Variants in PALM2AKAP2 observed in about 807,000 individuals in gnomAD.
PALM2AKAP2 encodes the protein PALM2-AKAP2 fusion protein.
PALM2AKAP2 carries 37 observed loss-of-function variants against 71.5 expected under a neutral mutation model. The observed-to-expected ratio is 0.52, with a 90% confidence interval of 0.40 to 0.68. PALM2AKAP2 has a LOEUF of 0.68. Ranked by LOEUF, PALM2AKAP2 falls within the 30% of genes least tolerant of loss-of-function variation. PALM2AKAP2 has a pLI of 0.00. For missense variants in PALM2AKAP2, 1,224 were observed against 1,191.8 expected (o/e 1.03, Z -0.40); for synonymous variants, 468 against 478.8 (o/e 0.98, Z 0.29).
chr9:109,900,808 A>G (rs747267519), intron 3 of PALM2AKAP2, among the ~76,000 whole-genome samples: 2 of 152,216 alleles, frequency 1.3e-5, no homozygotes, highest in African/African-American at 2.4e-5. Context: ...ATCTCCTTCC[A>G]AGAAATATTT....
At chr9:109,710,482 T>C (rs752622062) in intron 1 of PALM2AKAP2, among the ~76,000 whole-genome samples, 10 of 152,216 alleles carry the variant, frequency 6.6e-5, no homozygotes, top group East Asian at 1.9e-4. Context: ...ATGAACTCTA[T>C]AGGCAGATGG....
intron 3 of PALM2AKAP2, among the ~76,000 whole-genome samples, chr9:109,921,339 C>T (rs1830824455): frequency 6.6e-6 from 1 of 152,158 alleles, no homozygotes; most frequent in South Asian, 2.1e-4. Context: ...AAATTCTTTG[C>T]TGTAGGGTGC....
At position 109,662,448 on chromosome 9, in the gene PALM2AKAP2, T is replaced by G. The variant is rs1435828859; in HGVS notation, c.5+21582T>G. On this transcript the variant is annotated intron_variant, in intron 1 of 6. Coordinates refer to the PALM2AKAP2 transcript ENST00000374531. ...ATCATGTGGTTTTTGTCTTTGGTTC[T>G]GTTTATGTGATGGATTACGTTTATT... 4.6e-5 allele frequency among the ~76,000 whole-genome samples: 7 copies of G among 152,354 alleles called. No individual in the cohort carries two copies. In the East Asian group the frequency reaches 1.3e-3, roughly 29 times the overall value.
At chr9:109,708,385 C>G (rs1022024791) in intron 1 of PALM2AKAP2, among the ~76,000 whole-genome samples, 1 of 152,186 alleles carries the variant, frequency 6.6e-6, no homozygotes, top group Non-Finnish European at 1.5e-5. Context: ...ATTGAATTCA[C>G]TCTTCATATT....
Position 110,010,766 on chromosome 9 carries a change from G to A in PALM2AKAP2, c.497-5188G>A, listed in dbSNP as rs527458896. The stretch of plus-strand genomic sequence containing the variant: ...TGTAATCCCAGCACTTTGGGAGGCC[G>A]AGGCAGGTGGATCACCTGAGGTCAA... On this transcript the variant is annotated intron_variant, in intron 6 of 9. Transcript: ENST00000302798. Among the ~76,000 whole-genome samples, 11 of 148,514 alleles carry A rather than the reference G, an allele frequency of 7.4e-5. No individual in the cohort carries two copies. The South Asian group carries it at 2.1e-3, about 28-fold the overall frequency.
intron 1 of PALM2AKAP2, among the ~76,000 whole-genome samples, chr9:109,654,213 A>G (rs571419351): frequency 5.3e-5 from 8 of 152,320 alleles, no homozygotes; most frequent in African/African-American, 1.9e-4. Flanking sequence ...TTATGATTAT[A>G]TGGATATAAT....
At chr9:110,168,909 C>T (rs550501274) in exon 4 of PALM2AKAP2, 2 of 158,040 alleles carry the variant, frequency 1.3e-5, no homozygotes, top group Admixed American at 6.4e-5. Flanking sequence ...CTACATGGCA[C>T]AGGATATTTC....
intron 1 of PALM2AKAP2, among the ~76,000 whole-genome samples, chr9:109,830,544 G>A (rs1396506137): frequency 6.6e-6 from 1 of 152,118 alleles, no homozygotes; most frequent in East Asian, 1.9e-4. Context: ...AAAACCTATT[G>A]AGGAAAAAAG....
At chr9:109,698,567 C>T (rs1828007563) in intron 1 of PALM2AKAP2, among the ~76,000 whole-genome samples, 1 of 152,186 alleles carries the variant, frequency 6.6e-6, no homozygotes, top group Non-Finnish European at 1.5e-5. Context: ...GCGTGAGCCA[C>T]CACACCCAGC....
At chr9:109,936,057 A>G (rs1256470361) in intron 6 of PALM2AKAP2, among the ~76,000 whole-genome samples, 1 of 152,168 alleles carries the variant, frequency 6.6e-6, no homozygotes, top group Non-Finnish European at 1.5e-5. Flanking sequence ...ATTCACAGAA[A>G]TTTTTGATCA....
At chr9:109,647,643 C>T (rs1827172775) in intron 1 of PALM2AKAP2, among the ~76,000 whole-genome samples, 1 of 152,184 alleles carries the variant, frequency 6.6e-6, no homozygotes, top group African/African-American at 2.4e-5. Flanking sequence ...TTATGTTTGA[C>T]TAGTCTAACT....
At chr9:109,832,742 AC>A (rs1184602616) in intron 1 of PALM2AKAP2, among the ~76,000 whole-genome samples, 1 of 152,172 alleles carries the variant, frequency 6.6e-6, no homozygotes, top group Non-Finnish European at 1.5e-5. Flanking sequence ...CTATATCCCA[AC>A]AAAACCACTC....
chr9:109,642,491 C>T (rs1827085095), intron 1 of PALM2AKAP2, among the ~76,000 whole-genome samples: 1 of 145,602 alleles, frequency 6.9e-6, no homozygotes, highest in Admixed American at 6.8e-5. Context: ...ACGGCAAAAA[C>T]CGCAAATTAC....
In PALM2AKAP2 at chr9:109,745,838, G is replaced by A. The variant is rs988562736; in HGVS notation, c.6-34650G>A. The stretch of plus-strand genomic sequence containing the variant: ...TTGTAACCATGCAGCTTGGCTCTGG[G>A]CTTCATAAATTCAGACCCCAGAATA... On this transcript the variant is annotated intron_variant, in intron 1 of 6. Coordinates refer to the PALM2AKAP2 transcript ENST00000374531. Among the ~76,000 whole-genome samples, 5 of 152,066 alleles carry A rather than the reference G, an allele frequency of 3.3e-5. No individual in the cohort carries two copies. In the East Asian group the frequency reaches 9.6e-4, roughly 29 times the overall value.
chr9:109,940,308 G>GAA (rs1831329885), intron 6 of PALM2AKAP2, among the ~76,000 whole-genome samples: 1 of 152,170 alleles, frequency 6.6e-6, no homozygotes, highest in Admixed American at 6.5e-5. Context: ...AGCCTTCAGA[G>GAA]AAGTTTAGAA....
chr9:110,039,187 T>C (rs1833470756), intron 7 of PALM2AKAP2, among the ~76,000 whole-genome samples: 1 of 152,140 alleles, frequency 6.6e-6, no homozygotes, highest in Non-Finnish European at 1.5e-5. Flanking sequence ...AAGTTGAGGC[T>C]GCAGTGAGCC....
upstream of PALM2AKAP2, among the ~76,000 whole-genome samples, chr9:110,048,137 T>TG (rs1348592271): frequency 1.3e-5 from 2 of 152,186 alleles, no homozygotes; most frequent in African/African-American, 4.8e-5. Context: ...ACACCATTAC[T>TG]GCCACAAAGA....
chr9:109,825,491 T>G (rs1007841350), intron 1 of PALM2AKAP2, among the ~76,000 whole-genome samples: 9 of 152,168 alleles, frequency 5.9e-5, no homozygotes, highest in Admixed American at 5.2e-4. Context: ...ATCCAGAATC[T>G]ACAAAGAACT....
intron 1 of PALM2AKAP2, among the ~76,000 whole-genome samples, chr9:110,091,981 A>T (rs62582761): frequency 0.085 from 12,862 of 152,194 alleles, 640 homozygotes; most frequent in Middle Eastern, 0.14. Context: ...GCCCTTTTGT[A>T]ACAAATAGCA....
Sources: allele counts gnomAD v4.1 joint callset (sites outside exome capture counted in the v4.1 genomes callset), GRCh38; gene constraint gnomAD v4.1.1; transcripts MANE v1.5; gene names NCBI Gene and HGNC (gene_info 2026-07-23, HGNC 2026-07-21).